The following COL4A2 variants were observed in gnomAD, a reference collection of about 807,000 sequenced individuals.
COL4A2 encodes collagen alpha-2(IV) chain.
In COL4A2, 99 loss-of-function variants were observed where a neutral mutation model predicts 200.2. That is an observed-to-expected ratio of 0.49 (90% CI 0.42 to 0.58). COL4A2 has a LOEUF of 0.58. COL4A2 is among the 20% of genes least tolerant of loss of function. COL4A2 has a pLI of 0.00. For missense variants in COL4A2, 1,950 were observed against 2,314.1 expected, an observed-to-expected ratio of 0.84 and a Z score of 3.23; for synonymous variants, 897 against 900.6, an observed-to-expected ratio of 1.00 and a Z score of 0.07.
At chr13:110,467,929 ACT>A (rs1339248273) in intron 27 of COL4A2, among the ~76,000 whole-genome samples, 1 of 152,178 alleles carries the variant, frequency 6.6e-6, no homozygotes, top group Non-Finnish European at 1.5e-5. Context: ...CACTTGGGTA[ACT>A]CAGTGTCACA....
chr13:110,485,606 C>T (rs368005764), intron 33 of COL4A2, 49 bp from the exon 34 acceptor site: 15 of 1,444,806 alleles, frequency 1.0e-5, no homozygotes, highest in Middle Eastern at 2.0e-4. Flanking sequence ...AACTGGAGGG[C>T]GGGTGCTGCG....
At chr13:110,331,998 A>G (rs1353921534) in intron 3 of COL4A2, among the ~76,000 whole-genome samples, 1 of 152,190 alleles carries the variant, frequency 6.6e-6, no homozygotes, top group Non-Finnish European at 1.5e-5. Flanking sequence ...TTGTCATCCA[A>G]TTTATCAATT....
intron 36 of COL4A2, 76 bp downstream of exon 36, chr13:110,489,861 C>G: frequency 6.8e-7 from 1 of 1,467,214 alleles, no homozygotes; most frequent in Non-Finnish European, 9.2e-7. Flanking sequence ...ACTTGCCAAA[C>G]AGATCAAATT....
At chr13:110,480,849 T>TG (rs1882873611) in intron 31 of COL4A2, among the ~76,000 whole-genome samples, 1 of 152,242 alleles carries the variant, frequency 6.6e-6, no homozygotes, top group Non-Finnish European at 1.5e-5. Context: ...CCATGAACGT[T>TG]GCTGGAGACA....
intron 4 of COL4A2, among the ~76,000 whole-genome samples, chr13:110,384,068 T>C (rs1878593034): frequency 6.6e-6 from 1 of 152,242 alleles, no homozygotes; most frequent in South Asian, 2.1e-4. Flanking sequence ...GTTCCTACCC[T>C]GTTCACTGCC....
At chr13:110,489,288 G>C (rs1169588214) in intron 34 of COL4A2, among the ~76,000 whole-genome samples, 157 bp from the exon 35 acceptor site, 1 of 152,180 alleles carries the variant, frequency 6.6e-6, no homozygotes, top group Non-Finnish European at 1.5e-5. Context: ...AACCGCCTAT[G>C]ATACACACTA....
In COL4A2 at chr13:110,457,391, G is replaced by A. The variant is rs1245209457; in HGVS notation, c.1388G>A (p.Gly463Glu). ...GCAAAAGGAAGAGCAGGCTTCCCTG[G>A]GCTTCCCGGCTCCCCTGGAGCCCGC... Reference protein sequence around the residue: ...KGAKGRAGFPGLPGSPGARGP... With the variant: ...KGAKGRAGFPELPGSPGARGP... The change falls in exon 21 of 48, where the codon GGG becomes GAG. Residue 463 changes from glycine to glutamate, a missense_variant. Around this residue, in one of 2 missense-constraint regions of COL4A2, gnomAD observed 1,385 missense variants for 1,720.5 expected, o/e 0.80. Coordinates refer to ENST00000360467, the MANE Select transcript of COL4A2 (RefSeq NM_001846.4). 1 of 1,613,522 alleles carries A rather than the reference G, an allele frequency of 6.2e-7. No homozygotes were observed. Among genetic ancestry groups the A allele is most frequent in the Non-Finnish European group, 8.5e-7 (1 of 1,179,660 alleles).
chr13:110,316,900 A>G (rs763120356), intron 3 of COL4A2, among the ~76,000 whole-genome samples: 3 of 152,216 alleles, frequency 2.0e-5, no homozygotes, highest in African/African-American at 7.2e-5. Context: ...ATAGATATGT[A>G]TATTATATGT....
At chr13:110,470,589 G>C (rs1170881775) in intron 28 of COL4A2, among the ~76,000 whole-genome samples, 1 of 152,170 alleles carries the variant, frequency 6.6e-6, no homozygotes, top group Non-Finnish European at 1.5e-5. Flanking sequence ...GGAATTCTGA[G>C]CAACCTTCTA....
intron 3 of COL4A2, among the ~76,000 whole-genome samples, chr13:110,334,056 A>G (rs11617664): frequency 0.085 from 13,003 of 152,260 alleles, 737 homozygotes; most frequent in African/African-American, 0.15. Context: ...GGCAGTGACC[A>G]TGCTTGCTTT....
Position 110,512,058 on chromosome 13 carries a change from CCAA to C in COL4A2, c.5010_5012del (p.Asn1670del), listed in dbSNP as rs781056404. The C allele has an allele frequency of 3.3e-5, 54 of 1,613,736 alleles. No individual in the cohort carries two copies. Among genetic ancestry groups the C allele is most frequent in the Non-Finnish European group, 4.5e-5 (53 of 1,180,048 alleles). ...GGCCGCGGCACCTGCCACTACTACG[CCAA>C]CAAGTACAGCTTCTGGCTGACCACC... On this transcript the variant is annotated inframe_deletion, in exon 48 of 48. Coordinates refer to ENST00000360467, the MANE Select transcript of COL4A2 (RefSeq NM_001846.4).
At position 110,473,205 on chromosome 13, in the gene COL4A2, A is replaced by ATTCCACTGCACTCCAGCCTGCGTGACAG; in HGVS notation, c.2425+55_2425+56insTTCCACTGCACTCCAGCCTGCGTGACAG. On this transcript the variant is annotated intron_variant, in intron 29 of 47. Transcript: ENST00000360467. ...CCATCCCAGATGCACAGTGGCCTCC[A>ATTCCACTGCACTCCAGCCTGCGTGACAG]AGGGCGACCCCAATCCCTTCCGGGG... 2.7e-6 allele frequency: 4 copies of ATTCCACTGCACTCCAGCCTGCGTGACAG among 1,504,578 alleles called. No individual in the cohort carries two copies. In the African/African-American group the frequency reaches 4.2e-5, roughly 16 times the overall value. 93.2% of individuals were successfully genotyped at this position (1,504,578 alleles called of 1,614,324 possible).
intron 10 of COL4A2, among the ~76,000 whole-genome samples, chr13:110,431,621 G>A (rs995113771): frequency 4.6e-5 from 7 of 152,132 alleles, no homozygotes; most frequent in African/African-American, 1.7e-4. Flanking sequence ...ATGCCACATG[G>A]TTGGATTTCA....
chr13:110,493,329 G>A (rs2391833), intron 39 of COL4A2, 47 bp downstream of exon 39: 2 of 1,598,918 alleles, frequency 1.3e-6, no homozygotes, highest in Non-Finnish European at 1.7e-6. Context: ...AGGTGTCGAG[G>A]GTGGGGACTC....
intron 3 of COL4A2, among the ~76,000 whole-genome samples, chr13:110,321,070 C>T (rs533950227): frequency 8.5e-5 from 13 of 152,212 alleles, no homozygotes; most frequent in Admixed American, 3.9e-4. Context: ...GGCACATTAT[C>T]AATATAGCAC....
chr13:110,505,119 G>A (rs747828601), intron 45 of COL4A2, among the ~76,000 whole-genome samples: 1 of 151,900 alleles, frequency 6.6e-6, no homozygotes, highest in Non-Finnish European at 1.5e-5. Context: ...GGGAGGCTGA[G>A]GTGGGCGGAT....
At chr13:110,474,565 C>CAT in intron 29 of COL4A2, among the ~76,000 whole-genome samples, 1 of 128,740 alleles carries the variant, frequency 7.8e-6, no homozygotes, top group Non-Finnish European at 1.8e-5. Context: ...CACACACACA[C>CAT]ACACACATTC....
rs760554891 is a variant in COL4A2, at chr13:110,511,922, C to A, written c.4882-12C>A. ...TGATTCCTAACCCTGTCCTGCCCCCCTCTCTGTGCAGCACACGGCGGCGGG... is the reference window on the plus strand; with the variant it reads ...TGATTCCTAACCCTGTCCTGCCCCCATCTCTGTGCAGCACACGGCGGCGGG... On this transcript the variant is annotated splice_polypyrimidine_tract_variant and intron_variant, in intron 47 of 47. Transcript: ENST00000360467. 7 of 1,613,242 alleles carry A rather than the reference C, an allele frequency of 4.3e-6. No individual in the cohort carries two copies. The South Asian group carries it at 4.4e-5, about 10-fold the overall frequency.
rs544482798 is a variant in COL4A2 at position 110,381,705 on chromosome 13, C to T, written c.180+24153C>T. 1.6e-4 allele frequency among the ~76,000 whole-genome samples: 25 copies of T among 152,288 alleles called. No homozygotes were observed. The South Asian group carries it at 2.5e-3, about 15-fold the overall frequency. Reference sequence around the variant, plus strand: ...TGTTAGTAGAAAGGTTGACCCTGGACGCAGTCTGGGATTGAATCTGCCTCA... The same window carrying T: ...TGTTAGTAGAAAGGTTGACCCTGGATGCAGTCTGGGATTGAATCTGCCTCA... On this transcript the variant is annotated intron_variant, in intron 4 of 47. Coordinates refer to ENST00000360467, the MANE Select transcript of COL4A2 (RefSeq NM_001846.4).
Sources: gnomAD v4.1 joint callset for allele counts (sites outside exome capture counted in the v4.1 genomes callset) on GRCh38, gnomAD v4.1.1 for gene constraint, gnomAD v4.1.1 regional missense constraint, MANE v1.5 for transcripts, NCBI Gene and HGNC (gene_info 2026-07-23, HGNC 2026-07-21) for gene names.